C8orf34: variants seen among roughly 807,000 people sequenced by gnomAD.
C8orf34 encodes uncharacterized protein C8orf34.
C8orf34 carries 65 observed loss-of-function variants against 68.3 expected under a neutral mutation model. The observed-to-expected ratio is 0.95, with a 90% CI of 0.78 to 1.17. The LOEUF is 1.17. C8orf34 is among the 50% of genes most tolerant of loss of function. The probability of loss-of-function intolerance (pLI) is 0.00; values close to 1 mark genes in which losing one functional copy is unlikely to be tolerated. For missense variants in C8orf34, 664 were observed against 655.4 expected (o/e 1.01, Z -0.14); for synonymous variants, 244 against 241.2 (o/e 1.01, Z -0.11).
chr8:68,516,862 G>A (rs1408164181), intron 5 of C8orf34, among the ~76,000 whole-genome samples: 1 of 151,738 alleles, frequency 6.6e-6, no homozygotes, highest in African/African-American at 2.4e-5. Flanking sequence ...GGCTGGTCTC[G>A]AACTCCTGAC....
chr8:68,791,071 T>C (rs1823981078), intron 12 of C8orf34: 1 of 587,736 alleles, frequency 1.7e-6, no homozygotes, highest in Non-Finnish European at 3.0e-6. Flanking sequence ...TGAAGAAATA[T>C]ACATGGAGAA....
rs941968068 is a variant in C8orf34 at position 68,696,522 on chromosome 8, C to A, written c.1242-12472C>A. Among the ~76,000 whole-genome samples, 7 of 151,638 alleles carry A rather than the reference C, an allele frequency of 4.6e-5. No homozygotes were observed. In the East Asian group the frequency reaches 1.2e-3, roughly 26 times the overall value. On this transcript the variant is annotated intron_variant, in intron 8 of 13. Coordinates refer to ENST00000518698, the MANE Select transcript of C8orf34 (RefSeq NM_052958.4). ...AATTTTCTACTTCAGATAAATTCCT[C>A]AAAAGGAATTGATGATTCAGAAGAG...
intron 10 of C8orf34, among the ~76,000 whole-genome samples, chr8:68,747,847 G>A (rs1822556688): frequency 6.6e-6 from 1 of 151,878 alleles, no homozygotes; most frequent in African/African-American, 2.4e-5. Flanking sequence ...TCCCCATCAA[G>A]CTACCAATGA....
intron 12 of C8orf34, among the ~76,000 whole-genome samples, chr8:68,803,590 A>AAGACCAAAATTTCTACGATAATCAAATG (rs1224623161): frequency 2.0e-5 from 3 of 152,132 alleles, no homozygotes; most frequent in South Asian, 4.1e-4. Flanking sequence ...GATGACCTAA[A>AAGACCAAAATTTCTACGATAATCAAATG]AGACCAAAAT....
chr8:68,683,834 A>G (rs1197587125), intron 8 of C8orf34, among the ~76,000 whole-genome samples: 1 of 152,106 alleles, frequency 6.6e-6, no homozygotes, highest in East Asian at 1.9e-4. Context: ...CCATGCCCAT[A>G]AGGGTTGGAA....
intron 5 of C8orf34, among the ~76,000 whole-genome samples, chr8:68,504,462 G>A (rs1383297244): frequency 6.6e-6 from 1 of 152,068 alleles, no homozygotes; most frequent in Non-Finnish European, 1.5e-5. Flanking sequence ...GGGAATGCTA[G>A]GTCATATGGT....
At chr8:68,445,625 T>G (rs998854993) in intron 2 of C8orf34, among the ~76,000 whole-genome samples, 2 of 152,098 alleles carry the variant, frequency 1.3e-5, no homozygotes, top group African/African-American at 4.8e-5. Flanking sequence ...TTGATTTGGG[T>G]GAATATCAAT....
intron 10 of C8orf34, among the ~76,000 whole-genome samples, chr8:68,743,271 TG>T (rs1178910222): frequency 2.0e-5 from 3 of 152,218 alleles, no homozygotes; most frequent in South Asian, 2.1e-4. Flanking sequence ...AGGAATAGCA[TG>T]TTTTTTTATT....
At chr8:68,705,104 G>A (rs1821125707) in intron 8 of C8orf34, among the ~76,000 whole-genome samples, 1 of 152,168 alleles carries the variant, frequency 6.6e-6, no homozygotes, top group Non-Finnish European at 1.5e-5. Context: ...GCAATGAGAG[G>A]CAGAGTGATT....
intron 7 of C8orf34, among the ~76,000 whole-genome samples, chr8:68,578,672 A>G (rs1816976937): frequency 6.6e-6 from 1 of 151,712 alleles, no homozygotes. Context: ...ATATTGATCT[A>G]TATTCTGAGG....
intron 1 of C8orf34, chr8:68,438,700 G>T (rs546055878): frequency 6.6e-6 from 1 of 152,224 alleles, no homozygotes; most frequent in South Asian, 2.1e-4. Flanking sequence ...CACGTGGCTT[G>T]ACAGCTGTTC....
At chr8:68,655,627 C>T (rs533137094) in intron 8 of C8orf34, among the ~76,000 whole-genome samples, 1 of 152,262 alleles carries the variant, frequency 6.6e-6, no homozygotes, top group South Asian at 2.1e-4. Flanking sequence ...ACTAAGCGAT[C>T]TGAGTACAAT....
Position 68,511,502 on chromosome 8 carries a change from G to A in C8orf34, c.766-10297G>A, listed in dbSNP as rs531122708. Among the ~76,000 whole-genome samples, 39 of 152,230 alleles carry A rather than the reference G, an allele frequency of 2.6e-4. 1 individual carries two copies. The highest frequency in any genetic ancestry group is 2.5e-3 in the South Asian group (12 of 4,822). ...AGTCAGGATGGAGCAGGTGACCAGC[G>A]GTGACTCAGGTCAAAGCAGATGACC... On this transcript the variant is annotated intron_variant, in intron 5 of 13. Coordinates refer to ENST00000518698, the MANE Select transcript of C8orf34 (RefSeq NM_052958.4).
At chr8:68,737,942 A>C (rs548677603) in intron 10 of C8orf34, among the ~76,000 whole-genome samples, 3 of 152,226 alleles carry the variant, frequency 2.0e-5, no homozygotes, top group Admixed American at 2.0e-4. Context: ...GACGCTTACA[A>C]TACTCTCCAT....
At chr8:68,711,833 G>T (rs1821337442) in intron 9 of C8orf34, among the ~76,000 whole-genome samples, 1 of 152,060 alleles carries the variant, frequency 6.6e-6, no homozygotes, top group African/African-American at 2.4e-5. Context: ...GAAGCTCAAA[G>T]AACACCTGGG....
chr8:68,814,796 A>G (rs1022657063), intron 12 of C8orf34, among the ~76,000 whole-genome samples: 1 of 152,202 alleles, frequency 6.6e-6, no homozygotes, highest in African/African-American at 2.4e-5. Flanking sequence ...TCAATAAGCC[A>G]TTTCATTCGA....
At chr8:68,598,737 T>C (rs1176287173) in intron 7 of C8orf34, among the ~76,000 whole-genome samples, 1 of 152,104 alleles carries the variant, frequency 6.6e-6, no homozygotes. Flanking sequence ...CCATTGAAAA[T>C]TTGTCAGTTC....
chr8:68,622,155 T>C (rs1466890706), intron 7 of C8orf34, among the ~76,000 whole-genome samples: 1 of 152,244 alleles, frequency 6.6e-6, no homozygotes, highest in East Asian at 1.9e-4. Flanking sequence ...TTCCTTGTGG[T>C]GTGGCCTCCC....
chr8:68,398,366 A>T (rs1170102318), intron 1 of C8orf34, among the ~76,000 whole-genome samples: 1 of 152,140 alleles, frequency 6.6e-6, no homozygotes, highest in Non-Finnish European at 1.5e-5. Flanking sequence ...AGGCTATCCC[A>T]CTTTTATTAA....
Sources: gnomAD v4.1 joint callset for allele counts (sites outside exome capture counted in the v4.1 genomes callset) on GRCh38, gnomAD v4.1.1 for gene constraint, MANE v1.5 for transcripts, NCBI Gene and HGNC (gene_info 2026-07-23, HGNC 2026-07-21) for gene names.